Variants in PREX1 observed in about 807,000 individuals in gnomAD.
The protein encoded by PREX1 is phosphatidylinositol-3,4,5-trisphosphate dependent Rac exchange factor 1, also known as phosphatidylinositol 3,4,5-trisphosphate-dependent Rac exchanger 1 protein.
Under a neutral mutation model 198.3 loss-of-function variants are expected in PREX1, and 41 were observed. That is an observed-to-expected ratio of 0.21 (90% CI 0.16 to 0.27). The LOEUF is 0.27. PREX1 is among the 10% of genes least tolerant of loss of function. The pLI, the probability that PREX1 is intolerant of heterozygous loss-of-function variation, is 1.00. For missense variants in PREX1, 1,620 were observed against 2,200.7 expected, an observed-to-expected ratio of 0.74 and a Z score of 5.28; for synonymous variants, 843 against 887.2, an observed-to-expected ratio of 0.95 and a Z score of 0.89.
intron 13 of PREX1, among the ~76,000 whole-genome samples, chr20:48,678,750 C>G (rs191039609): frequency 2.2e-4 from 33 of 152,316 alleles, no homozygotes; most frequent in Non-Finnish European, 5.9e-5. Context: ...TTTCACATAC[C>G]TCCACGATTG....
At chr20:48,784,688 C>T (rs1027079905) in intron 1 of PREX1, among the ~76,000 whole-genome samples, 2 of 152,168 alleles carry the variant, frequency 1.3e-5, no homozygotes, top group Non-Finnish European at 2.9e-5. Flanking sequence ...TGGGAGCCCA[C>T]CAGAAGAGAA....
chr20:48,876,799 TTATC>T, the PREX1 span, among the ~76,000 whole-genome samples: 2 of 152,138 alleles, frequency 1.3e-5, no homozygotes, highest in African/African-American at 4.8e-5. Context: ...TACAGGGTCT[TTATC>T]TATTTCCATC....
At chr20:48,632,474 C>G (rs913948745) in intron 34 of PREX1, 22 bp downstream of exon 34, 2 of 1,613,736 alleles carry the variant, frequency 1.2e-6, no homozygotes, top group African/African-American at 2.7e-5. Flanking sequence ...GTGGTCCTCC[C>G]TGCCCCAGGC....
chr20:48,730,657 C>CGTAA (rs913185792), intron 4 of PREX1, among the ~76,000 whole-genome samples: 22 of 151,980 alleles, frequency 1.4e-4, no homozygotes, highest in African/African-American at 5.1e-4. Flanking sequence ...TGGGGGTGGA[C>CGTAA]TTACTGCATG....
chr20:48,806,421 G>T (rs1183694210), intron 1 of PREX1, among the ~76,000 whole-genome samples: 1 of 151,996 alleles, frequency 6.6e-6, no homozygotes, highest in Non-Finnish European at 1.5e-5. Context: ...GTTTCTAAAT[G>T]GTCATTTTTT....
chr20:48,748,976 G>A (rs1658167092), intron 1 of PREX1, among the ~76,000 whole-genome samples: 1 of 152,210 alleles, frequency 6.6e-6, no homozygotes, highest in African/African-American at 2.4e-5. Flanking sequence ...GGGCAGTAGG[G>A]TGCAATGGTG....
At chr20:48,825,928 A>T (rs1213205132) in intron 1 of PREX1, among the ~76,000 whole-genome samples, 1 of 141,652 alleles carries the variant, frequency 7.1e-6, no homozygotes, top group Non-Finnish European at 1.5e-5. Flanking sequence ...TTATTCTTAC[A>T]GGCCTTCCTA....
chr20:48,636,586 G>A lies in PREX1; in HGVS notation c.4044C>T (p.Tyr1348=), dbSNP rs149034868. The change falls in exon 32 of 40, where the codon TAC becomes TAT. Residue 1348 remains tyrosine, a synonymous_variant. Transcript: ENST00000371941. The stretch of plus-strand genomic sequence containing the variant: ...CGTACTCGCCATTGTTGTTGTAGCG[G>A]TAGCCCAGGGCCGCCAGCAGCTGCT... ...FSKQLLAALG[Y]RYNNNGEYEE... 5.0e-3 allele frequency: 8,076 copies of A among 1,611,812 alleles called. 37 individuals carry two copies. The highest frequency in any genetic ancestry group is 5.7e-3 in the Non-Finnish European group (6,714 of 1,179,652).
chr20:48,677,178 G>A (rs550971969), intron 13 of PREX1, among the ~76,000 whole-genome samples: 39 of 152,334 alleles, frequency 2.6e-4, no homozygotes, highest in African/African-American at 8.9e-4. Flanking sequence ...TTCCCCAGCC[G>A]CTTCCTTCTT....
intron 1 of PREX1, among the ~76,000 whole-genome samples, chr20:48,767,831 C>A (rs540030773): frequency 6.6e-6 from 1 of 152,324 alleles, no homozygotes; most frequent in South Asian, 2.1e-4. Flanking sequence ...ATATCACCTC[C>A]ACAGAGAGCC....
rs2122787788 is a variant in PREX1, at chr20:48,625,238, G to A, written c.*647C>T. On this transcript the variant is annotated 3_prime_UTR_variant, in exon 40 of 40. Coordinates refer to ENST00000371941, the MANE Select transcript of PREX1 (RefSeq NM_020820.4). ...TCCCAAAATAAACCAGAGATTTCAT[G>A]CCATATAAATAAAGTCAGAGCAAAT... 6.6e-6 allele frequency: 1 copy of A among 152,572 alleles called. No homozygotes were observed. Among genetic ancestry groups the A allele is most frequent in the Non-Finnish European group, 1.5e-5 (1 of 68,016 alleles). The allele number at this position is 152,572 out of a possible 1,614,324, so 9.5% of individuals were successfully genotyped here.
chr20:48,694,534 C>T (rs778221387), intron 7 of PREX1, among the ~76,000 whole-genome samples: 4 of 152,200 alleles, frequency 2.6e-5, no homozygotes, highest in African/African-American at 9.7e-5. Flanking sequence ...AGGTACTAAA[C>T]GCTCTGGTGA....
intron 15 of PREX1, 103 bp from the exon 16 acceptor site, chr20:48,660,164 T>C: frequency 6.9e-7 from 1 of 1,440,256 alleles, no homozygotes; most frequent in Non-Finnish European, 9.6e-7. Flanking sequence ...CATGGACACG[T>C]TTGGTTTGGC....
chr20:48,637,308 C>A (rs1344815991), intron 31 of PREX1, among the ~76,000 whole-genome samples: 1 of 152,190 alleles, frequency 6.6e-6, no homozygotes, highest in African/African-American at 2.4e-5. Flanking sequence ...CAGTAGCACC[C>A]CCTTGGCTAA....
intron 24 of PREX1, 22 bp downstream of exon 24, chr20:48,649,974 T>A (rs765800668): frequency 1.2e-6 from 2 of 1,610,620 alleles, no homozygotes; most frequent in African/African-American, 1.3e-5. Context: ...GAACACAGTT[T>A]CTAATAGACA....
chr20:48,671,827 T>G (rs76743439), intron 14 of PREX1, among the ~76,000 whole-genome samples: 5,843 of 152,224 alleles, frequency 0.038, 135 homozygotes, highest in Non-Finnish European at 0.045. Flanking sequence ...CTGGAAGTCA[T>G]CCTCCTGCGT....
chr20:48,653,307 C>T (rs1391820238), intron 20 of PREX1, 54 bp downstream of exon 20: 4 of 1,592,376 alleles, frequency 2.5e-6, no homozygotes, highest in Non-Finnish European at 3.4e-6. Flanking sequence ...CCCTCAGCCA[C>T]CCACCCCCAC....
At chr20:48,709,497 T>G (rs2089920867) in intron 5 of PREX1, among the ~76,000 whole-genome samples, 1 of 152,212 alleles carries the variant, frequency 6.6e-6, no homozygotes. Flanking sequence ...CCTGTGATGA[T>G]GAGGATGATG....
chr20:48,732,793 C>T (rs936802118), intron 4 of PREX1, among the ~76,000 whole-genome samples: 1 of 152,050 alleles, frequency 6.6e-6, no homozygotes, highest in Non-Finnish European at 1.5e-5. Context: ...GCCGATGGGA[C>T]GTGAGGGGAG....
Sources: gnomAD v4.1 joint callset for allele counts (sites outside exome capture counted in the v4.1 genomes callset) on GRCh38, gnomAD v4.1.1 for gene constraint, MANE v1.5 for transcripts, NCBI Gene and HGNC (gene_info 2026-07-23, HGNC 2026-07-21) for gene names.